TAFA5: variants seen among roughly 807,000 people sequenced by gnomAD.
TAFA5 encodes the protein TAFA chemokine like family member 5.
Under a neutral mutation model 15.3 loss-of-function variants are expected in TAFA5, and 6 were observed. The ratio of observed to expected loss-of-function variants is 0.39; its 90% CI spans 0.21 to 0.77. The LOEUF is 0.77. Ranked by LOEUF, TAFA5 falls within the 30% of genes least tolerant of loss-of-function variation. TAFA5 has a pLI of 0.41. For synonymous variants in TAFA5, 103 were observed against 80.7 expected, an observed-to-expected ratio of 1.28 and a Z score of -1.48; for missense variants, 161 against 193.1, an observed-to-expected ratio of 0.83 and a Z score of 0.98.
chr22:48,580,050 G>A (rs925931941), intron 1 of TAFA5, among the ~76,000 whole-genome samples: 5 of 152,196 alleles, frequency 3.3e-5, no homozygotes, highest in African/African-American at 1.2e-4. Context: ...AGAACTTTGC[G>A]TCCAGCGGCC....
intron 2 of TAFA5, among the ~76,000 whole-genome samples, chr22:48,651,437 G>A (rs1174521222): frequency 6.6e-6 from 1 of 152,226 alleles, no homozygotes; most frequent in Non-Finnish European, 1.5e-5. Context: ...GGTGTTGGGT[G>A]GAGCCTTATA....
chr22:48,586,425 G>A (rs1310628592), intron 1 of TAFA5, among the ~76,000 whole-genome samples: 1 of 152,202 alleles, frequency 6.6e-6, no homozygotes, highest in Non-Finnish European at 1.5e-5. Context: ...TGGGCTTCTG[G>A]GACCCTCGGT....
chr22:48,571,957 C>T (rs1212866367), intron 1 of TAFA5, among the ~76,000 whole-genome samples: 1 of 152,144 alleles, frequency 6.6e-6, no homozygotes, highest in Non-Finnish European at 1.5e-5. Flanking sequence ...AAATGGTCCA[C>T]TCACATTAAT....
intron 1 of TAFA5, among the ~76,000 whole-genome samples, chr22:48,614,934 G>A (rs1047547744): frequency 6.6e-6 from 1 of 152,170 alleles, no homozygotes; most frequent in South Asian, 2.1e-4. Context: ...CCCAGTCACC[G>A]GGGCCAGAAG....
chr22:48,675,413 T>G (rs1927941347), intron 2 of TAFA5, among the ~76,000 whole-genome samples: 1 of 152,192 alleles, frequency 6.6e-6, no homozygotes, highest in Non-Finnish European at 1.5e-5. Flanking sequence ...GGGATCAGCC[T>G]GGAAAGGGCA....
At chr22:48,527,662 G>A (rs1412536858) in intron 1 of TAFA5, among the ~76,000 whole-genome samples, 1 of 152,218 alleles carries the variant, frequency 6.6e-6, no homozygotes, top group Admixed American at 6.5e-5. Flanking sequence ...TGGAAGCCCT[G>A]TGGGAAGCCG....
intron 2 of TAFA5, among the ~76,000 whole-genome samples, chr22:48,652,437 C>G (rs1039336687): frequency 3.9e-5 from 6 of 152,204 alleles, no homozygotes; most frequent in African/African-American, 1.2e-4. Context: ...GTTGTTCATA[C>G]AACATGGGGA....
At chr22:48,677,835 G>C (rs1928024322) in intron 2 of TAFA5, among the ~76,000 whole-genome samples, 1 of 152,096 alleles carries the variant, frequency 6.6e-6, no homozygotes, top group South Asian at 2.1e-4. Context: ...CCTGGCCCCT[G>C]GGGAGGGATA....
At chr22:48,599,718 T>C (rs890909425) in intron 1 of TAFA5, among the ~76,000 whole-genome samples, 3 of 152,250 alleles carry the variant, frequency 2.0e-5, no homozygotes, top group Non-Finnish European at 4.4e-5. Context: ...ACGTGTTGGC[T>C]GCCCCTGGTT....
At chr22:48,699,405 A>G (rs186069144) in intron 2 of TAFA5, among the ~76,000 whole-genome samples, 118 of 152,176 alleles carry the variant, frequency 7.8e-4, no homozygotes, top group African/African-American at 2.7e-3. Flanking sequence ...CAGCGAAACC[A>G]ATAACATTTA....
intron 1 of TAFA5, among the ~76,000 whole-genome samples, chr22:48,587,796 C>T (rs931734302): frequency 6.6e-6 from 1 of 152,266 alleles, no homozygotes; most frequent in East Asian, 1.9e-4. Context: ...TTTTCTTCTC[C>T]TTTTGCGTTT....
intron 3 of TAFA5, among the ~76,000 whole-genome samples, chr22:48,747,399 C>G (rs918600434): frequency 6.6e-6 from 1 of 152,172 alleles, no homozygotes; most frequent in Non-Finnish European, 1.5e-5. Flanking sequence ...GGAGCAGCCC[C>G]AGGAAAGAAG....
intron 2 of TAFA5, among the ~76,000 whole-genome samples, chr22:48,662,506 C>G (rs1006703924): frequency 6.7e-6 from 1 of 148,442 alleles, no homozygotes; most frequent in African/African-American, 2.5e-5. Context: ...AGGGCCCAGG[C>G]GGTGGGGCTC....
intron 1 of TAFA5, among the ~76,000 whole-genome samples, chr22:48,637,913 C>T (rs142292659): frequency 8.5e-5 from 13 of 152,096 alleles, no homozygotes; most frequent in Admixed American, 4.6e-4. Flanking sequence ...AAAACAGAGC[C>T]GAGCACAGAT....
chr22:48,723,175 C>A (rs544182303), intron 3 of TAFA5, among the ~76,000 whole-genome samples: 22 of 152,272 alleles, frequency 1.4e-4, no homozygotes, highest in African/African-American at 5.1e-4. Flanking sequence ...CTCTTCAGAC[C>A]CAGATAGCAG....
At chr22:48,570,221 G>A (rs533498797) in intron 1 of TAFA5, among the ~76,000 whole-genome samples, 114 of 152,306 alleles carry the variant, frequency 7.5e-4, no homozygotes, top group South Asian at 1.7e-3. Context: ...GATCATGCCC[G>A]CTGAAAACAT....
chr22:48,583,136 C>A (rs1236566014), intron 1 of TAFA5, among the ~76,000 whole-genome samples: 2 of 149,776 alleles, frequency 1.3e-5, no homozygotes, highest in Non-Finnish European at 3.0e-5. Flanking sequence ...ACGCCACACA[C>A]ACACCACACA....
In TAFA5 at chr22:48,721,988, T is replaced by A. The variant is rs545403836; in HGVS notation, c.390+14144T>A. ...CAAAACTCTGTCTGAAAAAAAAAAATTTAATAAACATACGTGTGTGTGTGT... is the reference window on the plus strand; with the variant it reads ...CAAAACTCTGTCTGAAAAAAAAAAAATTAATAAACATACGTGTGTGTGTGT... On this transcript the variant is annotated intron_variant, in intron 3 of 3. Transcript: ENST00000402357. Among the ~76,000 whole-genome samples the A allele has an allele frequency of 2.0e-5, 3 of 151,958 alleles. No homozygotes were observed. In the East Asian group the frequency reaches 5.8e-4, roughly 29 times the overall value.
intron 2 of TAFA5, among the ~76,000 whole-genome samples, chr22:48,664,458 A>G (rs1927546557): frequency 6.6e-6 from 1 of 152,228 alleles, no homozygotes; most frequent in Admixed American, 6.5e-5. Flanking sequence ...CATATTCTGA[A>G]GAGATTGCTT....
Sources: gnomAD v4.1 joint callset for allele counts (sites outside exome capture counted in the v4.1 genomes callset) on GRCh38, gnomAD v4.1.1 for gene constraint, MANE v1.5 for transcripts, NCBI Gene and HGNC (gene_info 2026-07-23, HGNC 2026-07-21) for gene names.